TAF6: variants seen among roughly 807,000 people sequenced by gnomAD.
TAF6 encodes TATA-box binding protein associated factor 6, also known as transcription initiation factor TFIID subunit 6.
In TAF6, 50 loss-of-function variants were observed where a neutral mutation model predicts 73.5. That is an observed-to-expected ratio of 0.68 (90% CI 0.54 to 0.86). The LOEUF is 0.86. Ranked by LOEUF, TAF6 falls within the 40% of genes least tolerant of loss-of-function variation. The pLI is 0.00. For missense variants in TAF6, 768 were observed against 899.5 expected, an observed-to-expected ratio of 0.85 and a Z score of 1.87; for synonymous variants, 424 against 376.7, an observed-to-expected ratio of 1.13 and a Z score of -1.45.
intron 1 of TAF6, among the ~76,000 whole-genome samples, chr7:100,117,726 A>G (rs1349581108): frequency 6.6e-6 from 1 of 152,024 alleles, no homozygotes; most frequent in African/African-American, 2.4e-5. Flanking sequence ...CATAGGCCCA[A>G]GCTTTGAGCC....
intron 13 of TAF6, 67 bp from the exon 14 acceptor site, chr7:100,108,190 C>G: frequency 2.7e-6 from 4 of 1,498,950 alleles, no homozygotes; most frequent in East Asian, 2.4e-5. Context: ...AAGGGAGAGG[C>G]CTGGGCTCCC....
At chr7:100,116,274 C>T (rs1428494859) in intron 1 of TAF6, among the ~76,000 whole-genome samples, 2 of 152,034 alleles carry the variant, frequency 1.3e-5, no homozygotes, top group African/African-American at 4.8e-5. Context: ...GTAATCTGTG[C>T]ACTTTGGGAG....
chr7:100,112,028 G>C, intron 7 of TAF6, 29 bp from the exon 8 acceptor site: 5 of 1,614,040 alleles, frequency 3.1e-6, no homozygotes, highest in Non-Finnish European at 3.4e-6. Context: ...CAGTCAGGTG[G>C]GGGTGGGATG....
chr7:100,107,956 T>A lies in TAF6; in HGVS notation c.1626A>T (p.Ser542=). Residue 542 remains serine (S), a synonymous_variant, in exon 14 of 15, where the codon TCA becomes TCT. Coordinates refer to ENST00000453269, the MANE Select transcript of TAF6 (RefSeq NM_139315.3). ...GGGTGGATGGGGCGCTGGAGGACGA[T>A]GACATTACAATAAACTTGGTTGGAG... ...SPPPTKFIVM[S]SSSSAPSTQQ... The A allele has an allele frequency of 1.2e-6, 2 of 1,613,148 alleles. No individual in the cohort carries two copies. The highest frequency in any genetic ancestry group is 1.1e-5 in the South Asian group (1 of 91,056).
At position 100,113,351 on chromosome 7, in the gene TAF6, G is replaced by A; in HGVS notation, c.452C>T (p.Pro151Leu). Residue 151 changes from proline (P) to leucine (L), a missense_variant and splice_region_variant, in exon 5 of 15, where the codon CCA becomes CTA. Physicochemically the swap from Pro to Leu is moderately conservative, Grantham distance 98. Coordinates refer to ENST00000453269, the MANE Select transcript of TAF6 (RefSeq NM_139315.3). The stretch of plus-strand genomic sequence containing the variant: ...AGAGGGTGGGGCATGGAGGTTACCT[G>A]GGGGCGGGTTCTCGGGGATAGCTGG... ...CQPAIPENPPPAPKEQQKAEA... is the reference protein window; with the variant it reads ...CQPAIPENPPLAPKEQQKAEA... 1.3e-6 allele frequency: 2 copies of A among 1,592,880 alleles called. No homozygotes were observed. The highest frequency in any genetic ancestry group is 1.7e-6 in the Non-Finnish European group (2 of 1,169,656).
Position 100,107,324 on chromosome 7 carries a change from G to A in TAF6, c.1956C>T (p.Asp652=). The part of the protein sequence containing the change: ...ALCGGKQEAG[D]SPPPAPGTPK... ...GAGTCCCTGGAGCTGGAGGGGGACTGTCCCCAGCCTCCTGCTTCCCCCCAC... is the reference window on the plus strand; with the variant it reads ...GAGTCCCTGGAGCTGGAGGGGGACTATCCCCAGCCTCCTGCTTCCCCCCAC... The change falls in exon 15 of 15, where the codon GAC becomes GAT. Residue 652 remains aspartate, a synonymous_variant. Transcript: ENST00000453269. 1 of 1,541,440 alleles carries A rather than the reference G, an allele frequency of 6.5e-7. No individual in the cohort carries two copies. The highest frequency in any genetic ancestry group is 8.7e-7 in the Non-Finnish European group (1 of 1,143,558).
intron 6 of TAF6, among the ~76,000 whole-genome samples, chr7:100,112,460 C>A (rs1797275790): frequency 6.6e-6 from 1 of 152,200 alleles, no homozygotes; most frequent in African/African-American, 2.4e-5. Context: ...CACCTGTAAT[C>A]CCAGCACTTT....
intron 14 of TAF6, 141 bp downstream of exon 14, chr7:100,107,785 C>T: frequency 1.5e-6 from 2 of 1,373,454 alleles, no homozygotes; most frequent in Non-Finnish European, 9.8e-7. Flanking sequence ...GCAGCTACAG[C>T]CCTGCAGGAC....
At chr7:100,122,552 G>C, upstream of TAF6, 1 of 1,612,076 alleles carries the variant, frequency 6.2e-7, no homozygotes. Flanking sequence ...CACGCTGAGC[G>C]CAAGGGCTCA....
At chr7:100,122,937 GTGAGAAGGGAACC>G, upstream of TAF6, 1 of 1,587,876 alleles carries the variant, frequency 6.3e-7, no homozygotes, top group Non-Finnish European at 8.6e-7. Context: ...ATCCAGGGAG[GTGAGAAGGGAACC>G]TGAGAGGGGA....
chr7:100,125,297 G>A, the TAF6 span: 2 of 174,384 alleles, frequency 1.1e-5, no homozygotes, highest in African/African-American at 2.4e-5. Context: ...CATTCTCTGC[G>A]ATCTATATAC....
At chr7:100,124,796 C>CAGGAGG (rs141457365), upstream of TAF6, 65 of 1,612,366 alleles carry the variant, frequency 4.0e-5, no homozygotes, top group South Asian at 5.2e-4. Flanking sequence ...GGAGGAAGAG[C>CAGGAGG]AGGAGGAGGA....
upstream of TAF6, chr7:100,124,697 C>T: frequency 3.1e-6 from 5 of 1,613,526 alleles, no homozygotes; most frequent in Non-Finnish European, 2.5e-6. Flanking sequence ...GGACTAATAT[C>T]TAAATTGTTT....
upstream of TAF6, chr7:100,124,407 TG>T: frequency 1.2e-6 from 1 of 812,452 alleles, no homozygotes; most frequent in Non-Finnish European, 2.1e-6. Flanking sequence ...CTTAGCTTCC[TG>T]GCTACCTGCC....
upstream of TAF6, chr7:100,119,460 A>G: frequency 1.5e-6 from 2 of 1,329,694 alleles, no homozygotes; most frequent in South Asian, 3.6e-5. Context: ...TATATTTTAA[A>G]AGTTTGTTTC....
At chr7:100,119,434 G>T (rs746414633), upstream of TAF6, 3 of 1,248,868 alleles carry the variant, frequency 2.4e-6, no homozygotes, top group Non-Finnish European at 3.0e-6. Flanking sequence ...AGTCCTCTAG[G>T]CTCGCAGAAT....
chr7:100,118,045 C>CAAAAAA (rs749816135), intron 1 of TAF6, among the ~76,000 whole-genome samples: 4 of 81,144 alleles, frequency 4.9e-5, no homozygotes, highest in East Asian at 3.5e-4. Context: ...GACTCTGTCT[C>CAAAAAA]AAAAAAAAAA....
At chr7:100,122,754 T>C (rs1214105439), upstream of TAF6, 35 of 1,602,704 alleles carry the variant, frequency 2.2e-5, no homozygotes, top group Non-Finnish European at 2.7e-5. Context: ...GGTGGTGAGC[T>C]GGGCTGATGC....
At chr7:100,112,722 A>G in intron 6 of TAF6, 76 bp downstream of exon 6, 2 of 1,504,816 alleles carry the variant, frequency 1.3e-6, no homozygotes, top group South Asian at 1.3e-5. Context: ...CTCAAAAACA[A>G]AAAAAAAGGA....
Sources: gnomAD v4.1 joint callset for allele counts (sites outside exome capture counted in the v4.1 genomes callset) on GRCh38, gnomAD v4.1.1 for gene constraint, MANE v1.5 for transcripts, NCBI Gene and HGNC (gene_info 2026-07-23, HGNC 2026-07-21) for gene names.